Variants in VMA22 observed in about 807,000 individuals in gnomAD.
VMA22 encodes vacuolar ATPase assembly protein VMA22.
the VMA22 span, chr2:130,338,862 C>T: frequency 3.4e-4 from 155 of 454,442 alleles, no homozygotes; most frequent in African/African-American, 2.4e-3. Flanking sequence ...TGTTGACTAA[C>T]GTGTACCTGC....
the VMA22 span, chr2:130,342,544 G>A: frequency 4.3e-6 from 2 of 462,128 alleles, no homozygotes; most frequent in South Asian, 7.3e-5. Flanking sequence ...CAGTCGGTGT[G>A]CGGTTTTTAC....
the VMA22 span, chr2:130,341,243 T>C: frequency 1.6e-6 from 1 of 618,858 alleles, no homozygotes; most frequent in East Asian, 2.9e-5. Context: ...GTCCACTCTT[T>C]CCCGTGACTC....
the VMA22 span, chr2:130,342,388 G>A: frequency 1.7e-6 from 1 of 604,248 alleles, no homozygotes; most frequent in Non-Finnish European, 2.8e-6. Context: ...GTTATAGGTG[G>A]TTCTGAGTCC....
the VMA22 span, chr2:130,339,964 A>C: frequency 1.7e-6 from 1 of 594,618 alleles, no homozygotes; most frequent in Non-Finnish European, 2.5e-6. Flanking sequence ...GCCTCTCCCA[A>C]ACTCCAGATA....
At chr2:130,339,286 A>C in the VMA22 span, 1 of 1,516,292 alleles carries the variant, frequency 6.6e-7, no homozygotes, top group South Asian at 1.1e-5. Flanking sequence ...CACACGACCC[A>C]GGAGGATCTG....
chr2:130,340,741 C>T, the VMA22 span: 1 of 739,480 alleles, frequency 1.4e-6, no homozygotes, highest in East Asian at 2.7e-5. Context: ...CTGCCAACAA[C>T]CAGTAAATGC....
chr2:130,339,347 G>C, the VMA22 span: 953 of 1,329,174 alleles, frequency 7.2e-4, no homozygotes, highest in Admixed American at 1.8e-3. Context: ...CCCCACACTT[G>C]TCCCAAAACA....
chr2:130,339,456 C>G, the VMA22 span: 1 of 1,406,422 alleles, frequency 7.1e-7, no homozygotes, highest in Non-Finnish European at 9.3e-7. Flanking sequence ...CTTCCTGGAC[C>G]CATTATATCA....
At chr2:130,339,160 A>C in the VMA22 span, 13 of 1,614,142 alleles carry the variant, frequency 8.1e-6, no homozygotes, top group Non-Finnish European at 1.0e-5. Flanking sequence ...TTTCTCTTGG[A>C]GTCCCCGGAG....
chr2:130,339,762 C>T, the VMA22 span: 5 of 1,303,820 alleles, frequency 3.8e-6, no homozygotes, highest in Non-Finnish European at 4.0e-6. Context: ...CTCCAGGACA[C>T]CTGCCCCCAG....
chr2:130,339,213 G>A, the VMA22 span: 1 of 1,614,152 alleles, frequency 6.2e-7, no homozygotes, highest in Non-Finnish European at 8.5e-7. Context: ...GGCTGGCTAT[G>A]TCTGCGGCCA....
chr2:130,342,261 C>T, the VMA22 span: 1 of 1,523,638 alleles, frequency 6.6e-7, no homozygotes. Context: ...GCACCAAGGC[C>T]TCTGGGTCAG....
At chr2:130,342,053 C>T in the VMA22 span, 8 of 1,613,920 alleles carry the variant, frequency 5.0e-6, no homozygotes, top group Non-Finnish European at 5.9e-6. Context: ...CGTTTCCCCT[C>T]CAGCTCCTCC....
the VMA22 span, chr2:130,340,092 C>A: frequency 5.3e-6 from 1 of 188,708 alleles, no homozygotes; most frequent in Admixed American, 5.4e-5. Flanking sequence ...GAGGGTCGCT[C>A]CATCCTCCCA....
At chr2:130,342,623 A>G in the VMA22 span, 3 of 476,088 alleles carry the variant, frequency 6.3e-6, no homozygotes, top group Non-Finnish European at 1.1e-5. Flanking sequence ...TGCATTCTGC[A>G]CGGCGGTGGT....
the VMA22 span, chr2:130,341,994 C>T: frequency 6.2e-7 from 1 of 1,613,424 alleles, no homozygotes; most frequent in Non-Finnish European, 8.5e-7. Flanking sequence ...GTGTACCCTC[C>T]TGCCCGCCCC....
At chr2:130,342,630 T>C in the VMA22 span, 1 of 477,710 alleles carries the variant, frequency 2.1e-6, no homozygotes, top group Admixed American at 3.6e-5. Flanking sequence ...TGCACGGCGG[T>C]GGTGGGGGGA....
the VMA22 span, chr2:130,339,217 G>T: frequency 6.2e-7 from 1 of 1,613,942 alleles, no homozygotes; most frequent in African/African-American, 1.3e-5. Context: ...GGCTATGTCT[G>T]CGGCCAGCTG....
At chr2:130,338,872 C>T in the VMA22 span, 8 of 496,156 alleles carry the variant, frequency 1.6e-5, no homozygotes, top group East Asian at 2.2e-4. Context: ...CGTGTACCTG[C>T]CTATGTGAGT....
Sources: gnomAD v4.1 joint callset for allele counts on GRCh38, gnomAD v4.1.1 for gene constraint, MANE v1.5 for transcripts, NCBI Gene and HGNC (gene_info 2026-07-23, HGNC 2026-07-21) for gene names.